The following CENPW variants were observed in gnomAD, a reference collection of about 807,000 sequenced individuals.
CENPW encodes cancer-up-regulated gene 2 protein.
Under a neutral mutation model 11.1 loss-of-function variants are expected in CENPW, and 3 were observed. The observed-to-expected ratio is 0.27, with a 90% CI of 0.12 to 0.70. The LOEUF is 0.70. Ranked by LOEUF, CENPW falls within the 30% of genes least tolerant of loss-of-function variation. The probability of loss-of-function intolerance (pLI) is 0.77; values close to 1 mark genes in which losing one functional copy is unlikely to be tolerated. For synonymous variants in CENPW, 38 were observed against 42.0 expected (o/e 0.91, Z 0.37); for missense variants, 100 against 105.6 (o/e 0.95, Z 0.23).
the CENPW span, among the ~76,000 whole-genome samples, chr6:126,436,089 C>A: frequency 6.6e-6 from 1 of 151,652 alleles, no homozygotes; most frequent in Non-Finnish European, 1.5e-5. Context: ...TTTATAATGA[C>A]AGAAAAATAT....
At chr6:126,436,628 T>A in the CENPW span, among the ~76,000 whole-genome samples, 1 of 151,994 alleles carries the variant, frequency 6.6e-6, no homozygotes, top group African/African-American at 2.4e-5. Flanking sequence ...TGAAAACTTT[T>A]AAAAATATTT....
At chr6:126,395,392 A>G in the CENPW span, among the ~76,000 whole-genome samples, 1 of 152,086 alleles carries the variant, frequency 6.6e-6, no homozygotes, top group South Asian at 2.1e-4. Flanking sequence ...TCTTTTTAAT[A>G]TTTCAAACTT....
the CENPW span, among the ~76,000 whole-genome samples, chr6:126,439,664 T>G: frequency 6.6e-6 from 1 of 151,704 alleles, no homozygotes; most frequent in Non-Finnish European, 1.5e-5. Flanking sequence ...TTTGGCCACT[T>G]GAAGACGGCT....
chr6:126,420,954 G>C, the CENPW span, among the ~76,000 whole-genome samples: 8 of 151,994 alleles, frequency 5.3e-5, no homozygotes, highest in Non-Finnish European at 1.2e-4. Context: ...CTTTCAGAAG[G>C]CTTCTGTGTG....
At chr6:126,345,059 AC>A (rs1183766455) in intron 1 of CENPW, among the ~76,000 whole-genome samples, 1 of 152,036 alleles carries the variant, frequency 6.6e-6, no homozygotes, top group Non-Finnish European at 1.5e-5. Flanking sequence ...AAATAAGAGT[AC>A]TACATATGAT....
At chr6:126,479,253 T>G in the CENPW span, among the ~76,000 whole-genome samples, 1 of 152,034 alleles carries the variant, frequency 6.6e-6, no homozygotes, top group Non-Finnish European at 1.5e-5. Context: ...CTCATTCTGC[T>G]CTATGTTATT....
At chr6:126,444,388 T>C in the CENPW span, among the ~76,000 whole-genome samples, 1 of 150,940 alleles carries the variant, frequency 6.6e-6, no homozygotes, top group Non-Finnish European at 1.5e-5. Context: ...CTATACTCAC[T>C]TTTATATTTT....
At chr6:126,404,553 T>C in the CENPW span, among the ~76,000 whole-genome samples, 1 of 152,104 alleles carries the variant, frequency 6.6e-6, no homozygotes, top group Non-Finnish European at 1.5e-5. Context: ...AAACATGTGA[T>C]GGTTCTATTT....
At chr6:126,396,500 G>C in the CENPW span, among the ~76,000 whole-genome samples, 1 of 152,152 alleles carries the variant, frequency 6.6e-6, no homozygotes. Context: ...CAAGAGCCAA[G>C]GCCTGGAATC....
chr6:126,418,606 C>T, the CENPW span, among the ~76,000 whole-genome samples: 3 of 152,082 alleles, frequency 2.0e-5, no homozygotes. Flanking sequence ...GGATGTACAA[C>T]ACTAAGAGTG....
chr6:126,343,827 A>G (rs1239521079), intron 1 of CENPW, among the ~76,000 whole-genome samples: 1 of 152,148 alleles, frequency 6.6e-6, no homozygotes, highest in Non-Finnish European at 1.5e-5. Context: ...TGCCCAGTCC[A>G]CTGACTCCAA....
chr6:126,442,915 C>A, the CENPW span, among the ~76,000 whole-genome samples: 1 of 151,050 alleles, frequency 6.6e-6, no homozygotes, highest in African/African-American at 2.4e-5. Flanking sequence ...TTTAGCATTT[C>A]AGTTCTTTAT....
the CENPW span, among the ~76,000 whole-genome samples, chr6:126,441,080 A>G: frequency 6.6e-6 from 1 of 151,398 alleles, no homozygotes; most frequent in Non-Finnish European, 1.5e-5. Flanking sequence ...TCTACAGTCT[A>G]CCAAGCAGAT....
chr6:126,354,831 G>A, the CENPW span, among the ~76,000 whole-genome samples: 1 of 152,124 alleles, frequency 6.6e-6, no homozygotes, highest in East Asian at 1.9e-4. Flanking sequence ...ACACAGATTG[G>A]TGGTACGTAT....
At chr6:126,468,436 A>AT in the CENPW span, among the ~76,000 whole-genome samples, 1 of 150,434 alleles carries the variant, frequency 6.6e-6, no homozygotes, top group Non-Finnish European at 1.5e-5. Flanking sequence ...AAAAAAAAAA[A>AT]AAAAAAAAGG....
the CENPW span, among the ~76,000 whole-genome samples, chr6:126,470,107 A>G: frequency 1.3e-5 from 2 of 152,218 alleles, no homozygotes; most frequent in Non-Finnish European, 2.9e-5. Context: ...AAGACAATGG[A>G]GGAACTGTCT....
chr6:126,455,932 C>A, the CENPW span, among the ~76,000 whole-genome samples: 1 of 150,936 alleles, frequency 6.6e-6, no homozygotes, highest in Non-Finnish European at 1.5e-5. Context: ...CCTACAGTGT[C>A]CTAGCTGAGA....
chr6:126,458,539 G>A, the CENPW span, among the ~76,000 whole-genome samples: 1 of 151,148 alleles, frequency 6.6e-6, no homozygotes, highest in African/African-American at 2.4e-5. Flanking sequence ...GTTACCATAG[G>A]TGAGCTTTCC....
chr6:126,482,973 A>G, the CENPW span, among the ~76,000 whole-genome samples: 1 of 151,938 alleles, frequency 6.6e-6, no homozygotes, highest in Non-Finnish European at 1.5e-5. Flanking sequence ...TATACAGAGT[A>G]TATCTATTTA....
Sources: allele counts gnomAD v4.1 joint callset (sites outside exome capture counted in the v4.1 genomes callset), GRCh38; gene constraint gnomAD v4.1.1; transcripts MANE v1.5; gene names NCBI Gene and HGNC (gene_info 2026-07-23, HGNC 2026-07-21).